The following YAF2 variants were observed in gnomAD, a reference collection of about 807,000 sequenced individuals.
YAF2 encodes YY1 associated factor 2, also known as YY1-associated factor 2.
YAF2 carries 7 observed loss-of-function variants against 20.1 expected under a neutral mutation model. The ratio of observed to expected loss-of-function variants is 0.35; its 90% CI spans 0.20 to 0.65. The LOEUF is 0.65. YAF2 is among the 30% of genes least tolerant of loss of function. The pLI is 0.69. For synonymous variants in YAF2, 74 were observed against 76.0 expected, an observed-to-expected ratio of 0.97 and a Z score of 0.14; for missense variants, 151 against 219.2, an observed-to-expected ratio of 0.69 and a Z score of 1.96.
intron 2 of YAF2, among the ~76,000 whole-genome samples, chr12:42,183,166 T>A (rs574784077): frequency 6.6e-6 from 1 of 152,308 alleles, no homozygotes; most frequent in East Asian, 1.9e-4. Flanking sequence ...GTGTTTGTGT[T>A]CTGGCTGCTC....
chr12:42,205,814 T>C (rs2067025239), intron 2 of YAF2: 1 of 316,794 alleles, frequency 3.2e-6, no homozygotes, highest in Middle Eastern at 8.5e-4. Context: ...AATACATTCA[T>C]TAAAGATTAT....
intron 2 of YAF2, chr12:42,172,275 T>TA (rs1213942736): frequency 1.3e-5 from 2 of 152,236 alleles, no homozygotes; most frequent in African/African-American, 2.4e-5. Context: ...AGTAACCACT[T>TA]ACATTTTTAT....
intron 1 of YAF2, 88 bp downstream of exon 1, chr12:42,238,067 C>G (rs1475680400): frequency 5.9e-6 from 7 of 1,195,888 alleles, no homozygotes; most frequent in Middle Eastern, 3.2e-4. Context: ...CCCCGGTGCC[C>G]GGGCGGCTAG....
At chr12:42,223,300 A>G (rs73281890) in intron 2 of YAF2, among the ~76,000 whole-genome samples, 2 of 151,840 alleles carry the variant, frequency 1.3e-5, no homozygotes, top group African/African-American at 4.8e-5. Flanking sequence ...TATAACTATC[A>G]TCTTAAAAAC....
intron 2 of YAF2, among the ~76,000 whole-genome samples, chr12:42,193,784 A>G (rs1592216998): frequency 6.6e-6 from 1 of 152,188 alleles, no homozygotes; most frequent in African/African-American, 2.4e-5. Context: ...GATTACAGGC[A>G]TGAGCCACCA....
At chr12:42,206,331 G>C (rs2067040019) in intron 2 of YAF2, among the ~76,000 whole-genome samples, 1 of 151,270 alleles carries the variant, frequency 6.6e-6, no homozygotes, top group Non-Finnish European at 1.5e-5. Flanking sequence ...ACGTCTGGCT[G>C]GGCGCAGTGG....
chr12:42,186,486 A>C (rs903800417), intron 2 of YAF2, among the ~76,000 whole-genome samples: 3 of 152,066 alleles, frequency 2.0e-5, no homozygotes, highest in Admixed American at 2.0e-4. Flanking sequence ...GATCAGCGTG[A>C]CCAACGTGGT....
At chr12:42,187,976 T>C (rs1223562772) in intron 2 of YAF2, among the ~76,000 whole-genome samples, 2 of 152,160 alleles carry the variant, frequency 1.3e-5, no homozygotes, top group African/African-American at 4.8e-5. Flanking sequence ...TGGAAGAAAA[T>C]GTTCCAGCTG....
intron 2 of YAF2, among the ~76,000 whole-genome samples, chr12:42,207,935 T>C (rs2067099985): frequency 1.3e-5 from 2 of 152,136 alleles, no homozygotes; most frequent in South Asian, 2.1e-4. Context: ...TAAATCTATA[T>C]GAAAAGCTAA....
At chr12:42,167,405 T>C (rs2065941159) in intron 2 of YAF2, among the ~76,000 whole-genome samples, 1 of 152,192 alleles carries the variant, frequency 6.6e-6, no homozygotes, top group Admixed American at 6.5e-5. Flanking sequence ...GACAGAAATA[T>C]AAAAGGGACC....
Position 42,237,858 on chromosome 12 carries a change from G to A in YAF2, c.27-134C>T, listed in dbSNP as rs1417585506. The A allele has an allele frequency of 7.2e-4, 570 of 795,558 alleles. 2 individuals carry two copies. Among genetic ancestry groups the A allele is most frequent in the Non-Finnish European group, 8.2e-4 (541 of 660,460 alleles). 49.3% of individuals were successfully genotyped at this position (795,558 alleles called of 1,614,324 possible). On this transcript the variant is annotated intron_variant, in intron 1 of 3. Coordinates refer to ENST00000534854, the MANE Select transcript of YAF2 (RefSeq NM_005748.6). ...CCCCCGCCCCGCGGGCCCTCGGCGC[G>A]CCGCGCTCCGGCTGAGGGGGAAGGG...
At chr12:42,204,385 A>G (rs1186463257) in intron 2 of YAF2, among the ~76,000 whole-genome samples, 4 of 152,170 alleles carry the variant, frequency 2.6e-5, no homozygotes, top group Admixed American at 2.6e-4. Context: ...TGGGGGGAAA[A>G]GTTGTGCCTC....
intron 2 of YAF2, among the ~76,000 whole-genome samples, chr12:42,202,577 T>C (rs2066928704): frequency 6.6e-6 from 1 of 152,358 alleles, no homozygotes; most frequent in Middle Eastern, 3.4e-3. Flanking sequence ...AGTCATCCCA[T>C]GTTATGCATA....
intron 2 of YAF2, among the ~76,000 whole-genome samples, chr12:42,192,967 T>C (rs552919990): frequency 2.8e-4 from 43 of 152,352 alleles, no homozygotes; most frequent in African/African-American, 9.4e-4. Flanking sequence ...ACTCATGTGT[T>C]TGCAGTGATG....
intron 2 of YAF2, among the ~76,000 whole-genome samples, chr12:42,178,348 A>C (rs2066251647): frequency 6.6e-6 from 1 of 152,148 alleles, no homozygotes; most frequent in Non-Finnish European, 1.5e-5. Flanking sequence ...TTATTTTTCA[A>C]ATCTCCTGGG....
chr12:42,237,737 A>C lies in YAF2; in HGVS notation c.27-13T>G. On this transcript the variant is annotated splice_polypyrimidine_tract_variant and intron_variant, in intron 1 of 3. Coordinates refer to ENST00000534854, the MANE Select transcript of YAF2 (RefSeq NM_005748.6). ...CTGCCGCTTCGGCCTGCAGGACACA[A>C]CCCGGACACGACGCGGCGCGGGGTC... 1 of 1,523,720 alleles carries C rather than the reference A, an allele frequency of 6.6e-7. No homozygotes were observed. The highest frequency in any genetic ancestry group is 8.8e-7 in the Non-Finnish European group (1 of 1,136,646). The allele number at this position is 1,523,720 out of a possible 1,614,324, so 94.4% of individuals were successfully genotyped here.
intron 2 of YAF2, chr12:42,231,451 T>C (rs1208261224): frequency 6.6e-6 from 1 of 152,204 alleles, no homozygotes; most frequent in Non-Finnish European, 1.5e-5. Context: ...AGGTAAGTAG[T>C]TGAATAGCAT....
chr12:42,218,423 G>A (rs2067423345), intron 2 of YAF2, among the ~76,000 whole-genome samples: 1 of 152,130 alleles, frequency 6.6e-6, no homozygotes. Context: ...TAGTGTCTAT[G>A]CTTGCAAAAA....
At chr12:42,192,391 C>T (rs1288219250) in intron 2 of YAF2, among the ~76,000 whole-genome samples, 2 of 151,712 alleles carry the variant, frequency 1.3e-5, no homozygotes, top group Admixed American at 1.3e-4. Flanking sequence ...CACCTGTGAA[C>T]CCACCTACTC....
Sources: gnomAD v4.1 joint callset for allele counts (sites outside exome capture counted in the v4.1 genomes callset) on GRCh38, gnomAD v4.1.1 for gene constraint, MANE v1.5 for transcripts, NCBI Gene and HGNC (gene_info 2026-07-23, HGNC 2026-07-21) for gene names.